Variants in NEGR1 observed in about 807,000 individuals in gnomAD.
NEGR1 encodes the protein IgLON family member 4.
NEGR1 carries 10 observed loss-of-function variants against 40.9 expected under a neutral mutation model. That is an observed-to-expected ratio of 0.24 (90% CI 0.15 to 0.42). NEGR1 has a LOEUF of 0.42. Ranked by LOEUF, NEGR1 falls within the 10% of genes least tolerant of loss-of-function variation. The pLI is 1.00. For missense variants in NEGR1, 352 were observed against 438.9 expected (o/e 0.80, Z 1.77); for synonymous variants, 185 against 166.8 (o/e 1.11, Z -0.84).
At chr1:72,170,065 C>T (rs987537014) in intron 1 of NEGR1, among the ~76,000 whole-genome samples, 1 of 152,118 alleles carries the variant, frequency 6.6e-6, no homozygotes, top group Non-Finnish European at 1.5e-5. Flanking sequence ...ATGTGTACCT[C>T]TTTAAAACAT....
At chr1:71,800,307 C>T (rs957438377) in intron 2 of NEGR1, among the ~76,000 whole-genome samples, 5 of 152,104 alleles carry the variant, frequency 3.3e-5, no homozygotes, top group Non-Finnish European at 7.4e-5. Context: ...TGTCTGTTCA[C>T]TCTCATGATA....
intron 1 of NEGR1, among the ~76,000 whole-genome samples, chr1:72,254,821 T>C (rs932118707): frequency 1.3e-5 from 2 of 152,138 alleles, no homozygotes; most frequent in African/African-American, 4.8e-5. Context: ...AGATAAGTTA[T>C]ATCCATTCTT....
intron 6 of NEGR1, among the ~76,000 whole-genome samples, chr1:71,501,428 G>A (rs1321240840): frequency 2.0e-5 from 3 of 152,116 alleles, no homozygotes; most frequent in African/African-American, 7.2e-5. Context: ...AAATATTGAT[G>A]ATAGACCCAA....
chr1:71,987,332 CA>C (rs1371209666), intron 1 of NEGR1, among the ~76,000 whole-genome samples: 1 of 151,936 alleles, frequency 6.6e-6, no homozygotes, highest in Non-Finnish European at 1.5e-5. Context: ...ATCTGACACA[CA>C]AAAAAGAGAT....
intron 1 of NEGR1, among the ~76,000 whole-genome samples, chr1:72,167,216 A>G (rs1363656361): frequency 6.6e-6 from 1 of 152,164 alleles, no homozygotes; most frequent in Non-Finnish European, 1.5e-5. Context: ...AACCTGTATT[A>G]AAATCAAAGC....
intron 1 of NEGR1, among the ~76,000 whole-genome samples, chr1:72,196,262 C>A (rs1046246741): frequency 6.6e-6 from 1 of 151,914 alleles, no homozygotes; most frequent in African/African-American, 2.4e-5. Flanking sequence ...TAGGGATGCT[C>A]AACCTGTATA....
intron 2 of NEGR1, among the ~76,000 whole-genome samples, chr1:71,888,646 G>A (rs1468587059): frequency 3.1e-5 from 4 of 127,446 alleles, no homozygotes; most frequent in Admixed American, 1.6e-4. Flanking sequence ...GGGGAGGGGC[G>A]CCCGCCATTG....
chr1:71,811,279 T>C (rs1289017266), intron 2 of NEGR1, among the ~76,000 whole-genome samples: 3 of 152,090 alleles, frequency 2.0e-5, no homozygotes, highest in Admixed American at 2.0e-4. Flanking sequence ...TTATAGCAAC[T>C]CTTGAGGGAA....
chr1:71,771,412 C>T (rs530116444), intron 3 of NEGR1, among the ~76,000 whole-genome samples: 9 of 151,882 alleles, frequency 5.9e-5, no homozygotes, highest in African/African-American at 1.2e-4. Context: ...CAAAACTGCA[C>T]GTTCTGCACA....
chr1:71,938,410 G>GTTTTT (rs571760372), intron 1 of NEGR1, among the ~76,000 whole-genome samples: 1 of 109,892 alleles, frequency 9.1e-6, no homozygotes, highest in African/African-American at 3.4e-5. Context: ...ATGTGTAGGT[G>GTTTTT]TTTTTTTTTT....
chr1:71,987,497 A>C (rs1646405704), intron 1 of NEGR1, among the ~76,000 whole-genome samples: 1 of 152,224 alleles, frequency 6.6e-6, no homozygotes, highest in African/African-American at 2.4e-5. Flanking sequence ...CTGCTGAGCA[A>C]ACAAAGAAAG....
intron 1 of NEGR1, among the ~76,000 whole-genome samples, chr1:72,104,235 T>C (rs114348695): frequency 5.2e-4 from 79 of 152,222 alleles, no homozygotes; most frequent in African/African-American, 1.5e-3. Flanking sequence ...CAAAAGTAAC[T>C]CTGTAGATGT....
At chr1:71,512,638 A>G (rs1227477336) in intron 6 of NEGR1, among the ~76,000 whole-genome samples, 1 of 148,506 alleles carries the variant, frequency 6.7e-6, no homozygotes. Flanking sequence ...GCTGGAGTGG[A>G]GCACTGAGAT....
chr1:71,912,033 C>G (rs1661433014), intron 2 of NEGR1, among the ~76,000 whole-genome samples: 1 of 152,046 alleles, frequency 6.6e-6, no homozygotes, highest in African/African-American at 2.4e-5. Context: ...CTACAACAGC[C>G]ATAGCATATA....
intron 3 of NEGR1, among the ~76,000 whole-genome samples, chr1:71,698,350 C>G (rs1653557702): frequency 6.6e-6 from 1 of 151,804 alleles, no homozygotes; most frequent in East Asian, 1.9e-4. Context: ...ACTATTTCCC[C>G]AGAACAGGAT....
chr1:72,097,785 T>C (rs375198712), intron 1 of NEGR1, among the ~76,000 whole-genome samples: 15 of 152,298 alleles, frequency 9.8e-5, no homozygotes, highest in South Asian at 6.2e-4. Flanking sequence ...GCTTTACATA[T>C]AATATTGGCC....
In NEGR1 at chr1:71,568,829, C is replaced by T. The variant is rs200769259; in HGVS notation, c.940+23988G>A. 1.6e-4 allele frequency among the ~76,000 whole-genome samples: 24 copies of T among 147,572 alleles called. No individual in the cohort carries two copies. In the East Asian group the frequency reaches 3.9e-3, roughly 24 times the overall value. Reference sequence around the variant, plus strand: ...GTGTGTGTATGTGTATATATGTATACGTGTGTGTGTGTGTGTGTGTGTGTG... The same window carrying T: ...GTGTGTGTATGTGTATATATGTATATGTGTGTGTGTGTGTGTGTGTGTGTG... On this transcript the variant is annotated intron_variant, in intron 6 of 6. Transcript: ENST00000357731.
At chr1:72,126,091 A>ATGTGTGTGTGTGTGTG (rs67552146) in intron 1 of NEGR1, among the ~76,000 whole-genome samples, 10 of 146,720 alleles carry the variant, frequency 6.8e-5, no homozygotes, top group African/African-American at 2.6e-4. Context: ...AGAGAAAAGT[A>ATGTGTGTGTGTGTGTG]TGTGTGTGTG....
chr1:71,602,631 C>T (rs181326449), intron 5 of NEGR1, among the ~76,000 whole-genome samples: 1 of 152,210 alleles, frequency 6.6e-6, no homozygotes, highest in African/African-American at 2.4e-5. Flanking sequence ...CTACATTTGC[C>T]CTGAAGTATT....
Sources: allele counts gnomAD v4.1 joint callset (sites outside exome capture counted in the v4.1 genomes callset), GRCh38; gene constraint gnomAD v4.1.1; transcripts MANE v1.5; gene names NCBI Gene and HGNC (gene_info 2026-07-23, HGNC 2026-07-21).